The following FSIP1 variants were observed in gnomAD, a reference collection of about 807,000 sequenced individuals.
The protein encoded by FSIP1 is fibrous sheath-interacting protein 1.
A neutral mutation model predicts 60.9 loss-of-function variants in FSIP1; 65 were observed. The observed-to-expected ratio is 1.07, with a 90% CI of 0.87 to 1.31. The LOEUF (loss-of-function observed/expected upper bound fraction) is 1.31. FSIP1 is among the 40% of genes most tolerant of loss of function. The probability of loss-of-function intolerance (pLI) is 0.00; values close to 1 mark genes in which losing one functional copy is unlikely to be tolerated. For synonymous variants in FSIP1, 209 were observed against 221.2 expected (o/e 0.94, Z 0.49); for missense variants, 675 against 665.5 (o/e 1.01, Z -0.16).
chr15:39,614,109 T>A (rs1225105352), intron 11 of FSIP1, among the ~76,000 whole-genome samples: 1 of 151,926 alleles, frequency 6.6e-6, no homozygotes, highest in Non-Finnish European at 1.5e-5. Flanking sequence ...ATAAAAGGCA[T>A]CCTAATAGGA....
chr15:39,663,477 G>A (rs919805142), intron 10 of FSIP1, among the ~76,000 whole-genome samples: 2 of 152,064 alleles, frequency 1.3e-5, no homozygotes, highest in African/African-American at 4.8e-5. Context: ...TACCCAGTCC[G>A]ATTTAATTCC....
At chr15:39,651,454 T>A (rs4480779) in intron 10 of FSIP1, among the ~76,000 whole-genome samples, 2 of 152,162 alleles carry the variant, frequency 1.3e-5, no homozygotes, top group African/African-American at 2.4e-5. Flanking sequence ...TGGTGAAAGC[T>A]CTAATGAATG....
chr15:39,655,812 C>T (rs1449551431), intron 10 of FSIP1, among the ~76,000 whole-genome samples: 7 of 152,134 alleles, frequency 4.6e-5, no homozygotes, highest in Non-Finnish European at 1.0e-4. Context: ...GGATAGGACA[C>T]AGAATCTCAA....
chr15:39,769,971 C>T (rs1472560198), intron 3 of FSIP1, among the ~76,000 whole-genome samples: 1 of 152,216 alleles, frequency 6.6e-6, no homozygotes, highest in Admixed American at 6.5e-5. Context: ...ACCCCCAGGG[C>T]TCTGCAGACC....
rs1566854235 is a variant in FSIP1, at chr15:39,618,214, T to C, written c.1220A>G (p.Gln407Arg). 1 of 1,609,872 alleles carries C rather than the reference T, an allele frequency of 6.2e-7. No individual in the cohort carries two copies. The highest frequency in any genetic ancestry group is 8.5e-7 in the Non-Finnish European group (1 of 1,176,558). The change falls in exon 11 of 12, where the codon CAG becomes CGG. Residue 407 changes from glutamine (Q) to arginine (R), a missense_variant. Coordinates refer to ENST00000350221, the MANE Select transcript of FSIP1 (RefSeq NM_152597.5). ...LESTSCLSEEQLKCLLDECIL... is the reference protein window; with the variant it reads ...LESTSCLSEERLKCLLDECIL... ...GCATTCATCCAGAAGACACTTTAAC[T>C]GTTCTTCAGAGAGACATGATGTGGA...
intron 10 of FSIP1, among the ~76,000 whole-genome samples, chr15:39,623,269 C>T (rs1424638600): frequency 6.6e-6 from 1 of 152,172 alleles, no homozygotes; most frequent in African/African-American, 2.4e-5. Context: ...ACAAGGCAAT[C>T]AAGATTATGT....
In FSIP1 at chr15:39,738,101, G is replaced by A. The variant is rs774418473; in HGVS notation, c.881C>T (p.Ser294Phe). ...TCAGAGTTTACGTACCTCAGAACTG[G>A]AGAGCCCGGAATCTTTCTCATCCAA... The part of the protein sequence containing the change: ...KDLDEKDSGL[S>F]SSEGDQSGWV... The change falls in exon 8 of 12, where the codon TCC (serine) becomes TTC (phenylalanine). Residue 294 changes from serine to phenylalanine, a missense_variant. Coordinates refer to ENST00000350221, the MANE Select transcript of FSIP1 (RefSeq NM_152597.5). 1 of 1,606,712 alleles carries A rather than the reference G, an allele frequency of 6.2e-7. No individual in the cohort carries two copies. The highest frequency in any genetic ancestry group is 8.5e-7 in the Non-Finnish European group (1 of 1,174,516).
At chr15:39,729,314 A>G (rs962857145) in intron 8 of FSIP1, among the ~76,000 whole-genome samples, 2 of 152,236 alleles carry the variant, frequency 1.3e-5, no homozygotes, top group Non-Finnish European at 2.9e-5. Flanking sequence ...GCTCATGCCT[A>G]TAATTCTAGC....
chr15:39,773,711 A>G (rs1434237661), intron 2 of FSIP1, among the ~76,000 whole-genome samples: 1 of 152,246 alleles, frequency 6.6e-6, no homozygotes, highest in Non-Finnish European at 1.5e-5. Context: ...ATGTATTAAC[A>G]TGGATGAATC....
intron 10 of FSIP1, among the ~76,000 whole-genome samples, chr15:39,674,028 G>A (rs1345288447): frequency 6.6e-6 from 1 of 151,640 alleles, no homozygotes; most frequent in Non-Finnish European, 1.5e-5. Flanking sequence ...TATAGAGAAG[G>A]GAACATCCTT....
chr15:39,773,042 T>TA (rs201188072), intron 2 of FSIP1, among the ~76,000 whole-genome samples: 6,230 of 149,958 alleles, frequency 0.042, 185 homozygotes, highest in Non-Finnish European at 0.063. Flanking sequence ...ACTGGCTCTT[T>TA]AAAAAAAAAA....
At chr15:39,644,477 A>T (rs1892509849) in intron 10 of FSIP1, among the ~76,000 whole-genome samples, 1 of 152,154 alleles carries the variant, frequency 6.6e-6, no homozygotes, top group African/African-American at 2.4e-5. Context: ...CCCATTTATC[A>T]GTCAAACCTG....
intron 2 of FSIP1, among the ~76,000 whole-genome samples, chr15:39,772,113 G>C (rs561838211): frequency 1.3e-5 from 2 of 152,230 alleles, no homozygotes; most frequent in South Asian, 4.2e-4. Context: ...GGTGAAGCTG[G>C]AGAACTAGGC....
At chr15:39,706,040 C>G (rs1282896145) in intron 10 of FSIP1, among the ~76,000 whole-genome samples, 1 of 150,550 alleles carries the variant, frequency 6.6e-6, no homozygotes, top group Admixed American at 6.6e-5. Flanking sequence ...CTTCTATTGA[C>G]AAAGTCCACG....
At chr15:39,737,691 G>A (rs1288479666) in intron 8 of FSIP1, among the ~76,000 whole-genome samples, 2 of 152,108 alleles carry the variant, frequency 1.3e-5, no homozygotes, top group African/African-American at 2.4e-5. Context: ...TGTATTTTAA[G>A]TTCAGAGGTA....
chr15:39,745,889 G>A (rs1252269130), intron 5 of FSIP1, among the ~76,000 whole-genome samples: 1 of 152,044 alleles, frequency 6.6e-6, no homozygotes, highest in Non-Finnish European at 1.5e-5. Flanking sequence ...AGGCCAGACT[G>A]GGCAAGATGG....
rs76215406 is a variant in FSIP1 at position 39,741,152 on chromosome 15, C to T, written c.655+653G>A. On this transcript the variant is annotated intron_variant, in intron 6 of 11. Coordinates refer to ENST00000350221, the MANE Select transcript of FSIP1 (RefSeq NM_152597.5). ...ATTCATTCAGTTGAAGTTTCATATA[C>T]TCTTAACCAATACAACATTTAAAAA... is the stretch of plus-strand genomic sequence containing the variant. 6.4e-4 allele frequency among the ~76,000 whole-genome samples: 98 copies of T among 152,236 alleles called. 1 individual carries two copies. The highest frequency in any genetic ancestry group is 1.1e-3 in the Admixed American group (17 of 15,292).
chr15:39,735,059 G>C (rs1454988327), intron 8 of FSIP1, among the ~76,000 whole-genome samples: 2 of 152,226 alleles, frequency 1.3e-5, no homozygotes, highest in Non-Finnish European at 2.9e-5. Flanking sequence ...TACGCAGTGA[G>C]ACCATGGGTA....
chr15:39,659,565 G>A (rs1347463516), intron 10 of FSIP1, among the ~76,000 whole-genome samples: 82 of 137,544 alleles, frequency 6.0e-4, no homozygotes, highest in Non-Finnish European at 1.6e-4. Flanking sequence ...ACACTGAATT[G>A]CACACTTTTT....
Sources: allele counts gnomAD v4.1 joint callset (sites outside exome capture counted in the v4.1 genomes callset), GRCh38; gene constraint gnomAD v4.1.1; transcripts MANE v1.5; gene names NCBI Gene and HGNC (gene_info 2026-07-23, HGNC 2026-07-21).